The following LDB2 variants were observed in gnomAD, a reference collection of about 807,000 sequenced individuals.
The protein encoded by LDB2 is LIM domain-binding protein 2.
Under a neutral mutation model 44.3 loss-of-function variants are expected in LDB2, and 12 were observed. The observed-to-expected ratio is 0.27, with a 90% CI of 0.17 to 0.44. The LOEUF is 0.44. LDB2 is among the 20% of genes least tolerant of loss of function. The pLI, the probability that LDB2 is intolerant of heterozygous loss-of-function variation, is 1.00. For missense variants in LDB2, 344 were observed against 473.5 expected (o/e 0.73, Z 2.54); for synonymous variants, 164 against 174.8 (o/e 0.94, Z 0.49).
Position 16,771,117 on chromosome 4 carries a change from A to G in LDB2, c.133-11857T>C, listed in dbSNP as rs372267776. On this transcript the variant is annotated intron_variant, in intron 1 of 7. Transcript: ENST00000304523. ...GTGACCCACCCTATTGCATTTGAAT[A>G]GTTGATCAAATGACAAGAATAATTC... Among the ~76,000 whole-genome samples the G allele has an allele frequency of 4.0e-4, 61 of 152,316 alleles. No individual in the cohort carries two copies. In the South Asian group the frequency reaches 0.012, roughly 29 times the overall value.
intron 2 of LDB2, among the ~76,000 whole-genome samples, chr4:16,749,558 CAA>C (rs1287627062): frequency 1.6e-4 from 12 of 75,536 alleles, no homozygotes; most frequent in East Asian, 8.5e-4. Flanking sequence ...GACTCCATCT[CAA>C]AAAAAAAAAA....
intron 3 of LDB2, among the ~76,000 whole-genome samples, chr4:16,589,192 G>T (rs920895556): frequency 2.6e-5 from 4 of 152,248 alleles, no homozygotes; most frequent in East Asian, 3.9e-4. Flanking sequence ...AACCATAGAG[G>T]CTTGAGCTCT....
intron 1 of LDB2, chr4:16,893,115 G>C: frequency 1.0e-6 from 1 of 957,412 alleles, no homozygotes; most frequent in Non-Finnish European, 1.2e-6. Flanking sequence ...AAATAAGAGA[G>C]TTTGGAAGTT....
chr4:16,745,161 C>T (rs796190269), intron 2 of LDB2, among the ~76,000 whole-genome samples: 11 of 152,162 alleles, frequency 7.2e-5, no homozygotes, highest in African/African-American at 2.7e-4. Flanking sequence ...TTATGTAAGG[C>T]ATTCTCTAAT....
intron 5 of LDB2, among the ~76,000 whole-genome samples, chr4:16,569,128 T>A (rs1169453779): frequency 1.3e-5 from 2 of 152,196 alleles, no homozygotes; most frequent in Non-Finnish European, 2.9e-5. Flanking sequence ...GGCCACATAT[T>A]TTTTTCTTTA....
At chr4:16,635,138 T>C (rs1471179817) in intron 2 of LDB2, among the ~76,000 whole-genome samples, 1 of 152,044 alleles carries the variant, frequency 6.6e-6, no homozygotes, top group Non-Finnish European at 1.5e-5. Context: ...CCACGGCCTG[T>C]CAGGGGGTGG....
At chr4:16,747,553 G>A (rs1764641113) in intron 2 of LDB2, among the ~76,000 whole-genome samples, 1 of 152,166 alleles carries the variant, frequency 6.6e-6, no homozygotes, top group Non-Finnish European at 1.5e-5. Context: ...TGCCTCAAGT[G>A]AACACTGAAT....
intron 2 of LDB2, among the ~76,000 whole-genome samples, chr4:16,713,313 A>G (rs1042915200): frequency 7.9e-5 from 12 of 152,204 alleles, no homozygotes; most frequent in South Asian, 2.1e-4. Flanking sequence ...TTAATTGTAC[A>G]CTTAATGGCA....
At chr4:16,512,365 T>A (rs1341235403) in intron 5 of LDB2, among the ~76,000 whole-genome samples, 2 of 152,066 alleles carry the variant, frequency 1.3e-5, no homozygotes, top group East Asian at 3.8e-4. Flanking sequence ...CACATATACG[T>A]GTACACACAC....
chr4:16,718,757 T>C (rs1239976639), intron 2 of LDB2, among the ~76,000 whole-genome samples: 1 of 152,124 alleles, frequency 6.6e-6, no homozygotes, highest in Middle Eastern at 3.2e-3. Flanking sequence ...GAGAAATCAG[T>C]CTTTCCCAAT....
intron 1 of LDB2, among the ~76,000 whole-genome samples, chr4:16,840,774 A>C (rs929971081): frequency 6.6e-6 from 1 of 152,182 alleles, no homozygotes; most frequent in African/African-American, 2.4e-5. Flanking sequence ...ATAACACACC[A>C]AGTGTCCAGA....
intron 1 of LDB2, among the ~76,000 whole-genome samples, chr4:16,881,873 A>G (rs1287517252): frequency 6.6e-6 from 1 of 152,108 alleles, no homozygotes; most frequent in East Asian, 1.9e-4. Flanking sequence ...TATGCTTCCT[A>G]GCTTCACCTC....
chr4:16,744,783 G>A (rs1382933185), intron 2 of LDB2, among the ~76,000 whole-genome samples: 1 of 152,144 alleles, frequency 6.6e-6, no homozygotes, highest in Non-Finnish European at 1.5e-5. Context: ...GCCAAGTCAC[G>A]TGTTTTATGA....
In LDB2 at chr4:16,878,529, C is replaced by CT. The variant is rs35763087; in HGVS notation, c.132+19824dup. Among the ~76,000 whole-genome samples the CT allele has an allele frequency of 1.4e-3, 207 of 152,306 alleles. No individual in the cohort carries two copies. The Middle Eastern group carries it at 0.014, about 10-fold the overall frequency. ...TTGAAGCCATTCTCTACTGAGCAGCCTGAGTGTTGTTTTCAAAATGTCATT... is the reference window on the plus strand; with the variant it reads ...TTGAAGCCATTCTCTACTGAGCAGCCTTGAGTGTTGTTTTCAAAATGTCATT... On this transcript the variant is annotated intron_variant, in intron 1 of 7. Transcript: ENST00000304523.
chr4:16,706,349 A>G (rs1261469465), intron 2 of LDB2, among the ~76,000 whole-genome samples: 3 of 152,212 alleles, frequency 2.0e-5, no homozygotes, highest in Non-Finnish European at 4.4e-5. Flanking sequence ...GAAGCCCGAG[A>G]GAGGTCCCTT....
intron 1 of LDB2, among the ~76,000 whole-genome samples, chr4:16,875,957 A>G (rs548099973): frequency 2.6e-5 from 4 of 152,330 alleles, no homozygotes; most frequent in Admixed American, 2.6e-4. Flanking sequence ...AATGCATTAT[A>G]GGAAGTAGGA....
chr4:16,821,248 A>C (rs1373392187), intron 1 of LDB2, among the ~76,000 whole-genome samples: 5 of 152,196 alleles, frequency 3.3e-5, no homozygotes, highest in African/African-American at 1.2e-4. Flanking sequence ...GGAAGCATTG[A>C]TCTAGCTATC....
intron 1 of LDB2, among the ~76,000 whole-genome samples, chr4:16,831,470 C>G (rs941221979): frequency 6.6e-6 from 1 of 152,054 alleles, no homozygotes; most frequent in Admixed American, 6.5e-5. Flanking sequence ...GAAGTAGAAG[C>G]AAAAAGTCCC....
intron 5 of LDB2, among the ~76,000 whole-genome samples, chr4:16,557,079 C>T (rs1739902516): frequency 6.6e-6 from 1 of 152,048 alleles, no homozygotes; most frequent in Non-Finnish European, 1.5e-5. Flanking sequence ...AGATAGATCT[C>T]GATATAGGAG....
Sources: gnomAD v4.1 joint callset for allele counts (sites outside exome capture counted in the v4.1 genomes callset) on GRCh38, gnomAD v4.1.1 for gene constraint, MANE v1.5 for transcripts, NCBI Gene and HGNC (gene_info 2026-07-23, HGNC 2026-07-21) for gene names.